The following TNKS variants were observed in gnomAD, a reference collection of about 807,000 sequenced individuals.
The protein encoded by TNKS is tankyrase.
A neutral mutation model predicts 135.8 loss-of-function variants in TNKS; 72 were observed. The observed-to-expected ratio is 0.53, with a 90% confidence interval of 0.44 to 0.64. The LOEUF (loss-of-function observed/expected upper bound fraction) is 0.64. TNKS is among the 30% of genes least tolerant of loss of function. TNKS has a pLI of 0.00. For synonymous variants in TNKS, 849 were observed against 649.3 expected, an observed-to-expected ratio of 1.31 and a Z score of -4.68; for missense variants, 1,769 against 1,674.0, an observed-to-expected ratio of 1.06 and a Z score of -0.99.
At position 9,692,835 on chromosome 8, in the gene TNKS, A is replaced by G. The variant is rs561664436; in HGVS notation, c.1108-11828A>G. Among the ~76,000 whole-genome samples the G allele has an allele frequency of 5.9e-5, 9 of 152,338 alleles. No homozygotes were observed. The South Asian group carries it at 1.9e-3, about 32-fold the overall frequency. ...TCAATGAGAGTGCCTGATCTTCATTATGGTACTACTTAAAAATCCCTTTGA... is the reference window on the plus strand; with the variant it reads ...TCAATGAGAGTGCCTGATCTTCATTGTGGTACTACTTAAAAATCCCTTTGA... On this transcript the variant is annotated intron_variant, in intron 5 of 26. Transcript: ENST00000310430.
chr8:9,607,898 A>AATCACTATAGATGTTG (rs1440816915), intron 2 of TNKS, among the ~76,000 whole-genome samples: 1 of 152,158 alleles, frequency 6.6e-6, no homozygotes, highest in Non-Finnish European at 1.5e-5. Flanking sequence ...TATAGTGAAG[A>AATCACTATAGATGTTG]ATGTAATAAT....
chr8:9,673,488 A>G (rs1332612709), intron 3 of TNKS, among the ~76,000 whole-genome samples: 1 of 128,054 alleles, frequency 7.8e-6, no homozygotes, highest in Non-Finnish European at 1.6e-5. Flanking sequence ...TCTGTTGCCC[A>G]GGCTGGAGTG....
chr8:9,735,017 C>G lies in TNKS; in HGVS notation c.2466C>G (p.Leu822=), dbSNP rs558737284. The stretch of plus-strand genomic sequence containing the variant: ...GCTGCCTGGCAAGAGTGCAGAAGCT[C>G]TGTACCCCAGAGAATATCAACTGCA... ...KKGCLARVQK[L]CTPENINCRD... is the part of the protein sequence containing the mutation. The change falls in exon 16 of 27, where the codon CTC becomes CTG. Residue 822 remains leucine (L), a synonymous_variant. Transcript: ENST00000310430. 5.6e-6 allele frequency: 9 copies of G among 1,614,188 alleles called. No individual in the cohort carries two copies. In the Admixed American group the frequency reaches 1.0e-4, roughly 18 times the overall value.
chr8:9,757,772 A>C (rs1387192528), intron 20 of TNKS, among the ~76,000 whole-genome samples: 1 of 152,196 alleles, frequency 6.6e-6, no homozygotes, highest in African/African-American at 2.4e-5. Flanking sequence ...TAACTTTCCA[A>C]CTATAAGGGG....
At chr8:9,685,592 C>G (rs566268128) in intron 5 of TNKS, among the ~76,000 whole-genome samples, 4 of 152,260 alleles carry the variant, frequency 2.6e-5, no homozygotes. Context: ...TCCCAGCTGC[C>G]TTTGGATAAA....
In TNKS at chr8:9,735,102, C is replaced by G; in HGVS notation, c.2533+18C>G. On this transcript the variant is annotated intron_variant, in intron 16 of 26. Transcript: ENST00000310430. ...CCTGGCAGGTAAGCGCCCCCAGTGC[C>G]TCCAAGCCTCCTTTTCCTTTCTCGG... 6.2e-7 allele frequency: 1 copy of G among 1,603,210 alleles called. No individual in the cohort carries two copies. Among genetic ancestry groups the G allele is most frequent in the Non-Finnish European group, 8.5e-7 (1 of 1,175,576 alleles).
At chr8:9,672,617 A>C (rs1479369909) in intron 3 of TNKS, among the ~76,000 whole-genome samples, 2 of 141,446 alleles carry the variant, frequency 1.4e-5, no homozygotes, top group Non-Finnish European at 3.1e-5. Context: ...ACTTTTCCTG[A>C]TTTAAATCAC....
chr8:9,662,292 A>G (rs533167404), intron 3 of TNKS, among the ~76,000 whole-genome samples: 3 of 152,310 alleles, frequency 2.0e-5, no homozygotes, highest in Admixed American at 1.3e-4. Flanking sequence ...AGACACATGC[A>G]CATGTATGTT....
intron 3 of TNKS, among the ~76,000 whole-genome samples, chr8:9,657,260 C>G (rs1427316395): frequency 1.7e-5 from 2 of 115,562 alleles, no homozygotes; most frequent in East Asian, 2.5e-4. Flanking sequence ...CCGACCCCCC[C>G]ACCTCCCTCC....
intron 2 of TNKS, among the ~76,000 whole-genome samples, chr8:9,580,854 C>A (rs1798138033): frequency 6.6e-6 from 1 of 151,910 alleles, no homozygotes; most frequent in Admixed American, 6.6e-5. Flanking sequence ...TCAATATGTG[C>A]CATAGTCTAG....
At chr8:9,665,502 T>C (rs1448017347) in intron 3 of TNKS, among the ~76,000 whole-genome samples, 2 of 152,228 alleles carry the variant, frequency 1.3e-5, no homozygotes, top group Non-Finnish European at 2.9e-5. Flanking sequence ...TTTGGTCCCT[T>C]GTCCAGGACT....
intron 3 of TNKS, among the ~76,000 whole-genome samples, chr8:9,618,598 G>A (rs548287768): frequency 1.4e-4 from 21 of 152,258 alleles, no homozygotes; most frequent in South Asian, 2.1e-4. Flanking sequence ...TTAAATAGGG[G>A]TATGAAAAGT....
intron 5 of TNKS, chr8:9,681,062 T>A: frequency 3.3e-6 from 1 of 305,966 alleles, no homozygotes; most frequent in Non-Finnish European, 6.0e-6. Context: ...GTTTTGTCGG[T>A]GATTAAAATT....
intron 3 of TNKS, among the ~76,000 whole-genome samples, chr8:9,627,989 A>G (rs771538804): frequency 1.1e-4 from 16 of 152,148 alleles, no homozygotes; most frequent in Admixed American, 3.3e-4. Context: ...TCTTCATTCA[A>G]TGGAGAAACA....
rs1435672976 is a variant in TNKS, at chr8:9,761,584, G to A, written c.3222G>A (p.Gly1074=). 5 of 1,607,420 alleles carry A rather than the reference G, an allele frequency of 3.1e-6. No individual in the cohort carries two copies. Among genetic ancestry groups the A allele is most frequent in the Admixed American group, 1.7e-5 (1 of 58,076 alleles). The change falls in exon 21 of 27, where the codon GGG becomes GGA. Residue 1074 remains glycine, a synonymous_variant. Coordinates refer to ENST00000310430, the MANE Select transcript of TNKS (RefSeq NM_003747.3). ...ELKEIGINAY[G]HRHKLIKGVE... ...AAGAAATAGGCATCAATGCATATGG[G>A]CACCGCCACAAATTAATCAAAGGAG...
chr8:9,639,396 ATTTCTCTGTGGGCT>A (rs1372143498), intron 3 of TNKS, among the ~76,000 whole-genome samples: 7 of 152,008 alleles, frequency 4.6e-5, no homozygotes, highest in Admixed American at 3.3e-4. Flanking sequence ...TTGACCACTC[ATTTCTCTGTGGGCT>A]AAAAAATGAA....
chr8:9,706,139 A>G (rs1444872162), intron 6 of TNKS, 48 bp from the exon 7 acceptor site: 1 of 1,392,508 alleles, frequency 7.2e-7, no homozygotes, highest in Admixed American at 2.1e-5. Context: ...ACATGGATAA[A>G]TAAGTTGTTT....
intron 1 of TNKS, among the ~76,000 whole-genome samples, chr8:9,576,333 C>A (rs180703683): frequency 4.6e-5 from 7 of 152,170 alleles, no homozygotes; most frequent in Non-Finnish European, 8.8e-5. Flanking sequence ...ACTCATAGTT[C>A]TGCAGGCTGT....
intron 1 of TNKS, among the ~76,000 whole-genome samples, chr8:9,561,950 G>C (rs1036442281): frequency 1.3e-5 from 2 of 151,986 alleles, no homozygotes; most frequent in African/African-American, 4.8e-5. Flanking sequence ...CTGAGTAGCT[G>C]GGATTACAGG....
Sources: allele counts gnomAD v4.1 joint callset (sites outside exome capture counted in the v4.1 genomes callset), GRCh38; gene constraint gnomAD v4.1.1; transcripts MANE v1.5; gene names NCBI Gene and HGNC (gene_info 2026-07-23, HGNC 2026-07-21).